MYO18B: variants seen among roughly 807,000 people sequenced by gnomAD.
The protein encoded by MYO18B is myosin XVIIIB.
MYO18B carries 204 observed loss-of-function variants against 273.0 expected under a neutral mutation model. The observed-to-expected ratio is 0.75, with a 90% CI of 0.67 to 0.84. The LOEUF (loss-of-function observed/expected upper bound fraction) is 0.84, where lower values mean the gene tolerates loss of function less well. MYO18B is among the 40% of genes least tolerant of loss of function. The pLI is 0.00. For missense variants in MYO18B, 3,212 were observed against 3,287.6 expected (o/e 0.98, Z 0.56); for synonymous variants, 1,330 against 1,305.7 (o/e 1.02, Z -0.40).
chr22:25,825,116 ATACT>A lies in MYO18B; in HGVS notation c.2696-1290_2696-1287del, dbSNP rs1043138002. Among the ~76,000 whole-genome samples, 83 of 152,298 alleles carry A rather than the reference ATACT, an allele frequency of 5.4e-4. 1 individual carries two copies. The highest frequency in any genetic ancestry group is 1.7e-3 in the African/African-American group (70 of 41,576). On this transcript the variant is annotated intron_variant, in intron 13 of 43. Coordinates refer to ENST00000335473, the MANE Select transcript of MYO18B (RefSeq NM_032608.7). ...ATGCACAGGCACAAACACCACACAC[ATACT>A]TAAGGATGGGTGCATCACACACAGG...
intron 34 of MYO18B, among the ~76,000 whole-genome samples, chr22:25,922,654 C>G (rs532836142): frequency 6.6e-6 from 1 of 152,250 alleles, no homozygotes; most frequent in East Asian, 1.9e-4. Context: ...CTGAGCTGGG[C>G]CTGGGACCCA....
In MYO18B at chr22:25,943,711, C is replaced by CT. The variant is rs59256754; in HGVS notation, c.5518-2403dup. ...ACTTTGCATCTTGTTTCTTTCTTTC[C>CT]TTTTTTTTTTTTTTTTTTTTTTTCT... is the stretch of plus-strand genomic sequence containing the variant. On this transcript the variant is annotated intron_variant, in intron 34 of 43. Transcript: ENST00000335473. Among the ~76,000 whole-genome samples, 102 of 79,566 alleles carry CT rather than the reference C, an allele frequency of 1.3e-3. 2 individuals are homozygous for CT. Among genetic ancestry groups the CT allele is most frequent in the East Asian group, 6.6e-3 (25 of 3,770 alleles). 52.2% of individuals were successfully genotyped at this position (79,566 alleles called of 152,430 possible). A position where few individuals can be genotyped will look rare whatever the true frequency, so the allele number is the denominator to read the frequency against.
chr22:26,011,194 A>G (rs1156358159), intron 42 of MYO18B, among the ~76,000 whole-genome samples: 1 of 151,742 alleles, frequency 6.6e-6, no homozygotes, highest in African/African-American at 2.4e-5. Context: ...GGGCAACAAG[A>G]TGGCGGCTAA....
At chr22:25,848,886 C>A (rs1441658156) in intron 20 of MYO18B, among the ~76,000 whole-genome samples, 2 of 152,164 alleles carry the variant, frequency 1.3e-5, no homozygotes, top group Non-Finnish European at 2.9e-5. Context: ...CACTAGTGCC[C>A]TAGTGTATGG....
chr22:25,848,167 C>T (rs543435811), intron 20 of MYO18B, among the ~76,000 whole-genome samples: 2 of 152,160 alleles, frequency 1.3e-5, no homozygotes, highest in Admixed American at 1.3e-4. Flanking sequence ...GGGTGGAATT[C>T]CTGTGATGAG....
intron 24 of MYO18B, among the ~76,000 whole-genome samples, 171 bp downstream of exon 24, chr22:25,876,503 C>G (rs1441667003): frequency 2.0e-5 from 3 of 152,164 alleles, no homozygotes; most frequent in Non-Finnish European, 2.9e-5. Context: ...ACAACACAGA[C>G]AATCCTCCAT....
At chr22:25,780,303 C>T (rs1390039113) in intron 9 of MYO18B, 105 bp downstream of exon 9, 1 of 1,359,414 alleles carries the variant, frequency 7.4e-7, no homozygotes, top group African/African-American at 1.5e-5. Flanking sequence ...TAGGATGTGT[C>T]TGAAATGGTC....
Position 25,769,289 on chromosome 22 carries a change from C to G in MYO18B, c.1373C>G (p.Ala458Gly). ...PCSRAGDGAG[A>G]LETELEGPSQ... ...TCAAGAGCAGGTGATGGGGCTGGTG[C>G]CCTGGAGACAGAGCTGGAAGGACCC... Residue 458 changes from alanine to glycine, a missense_variant, in exon 4 of 44, where the codon GCC becomes GGC. Ala to Gly is a moderately conservative substitution (Grantham distance 60). Transcript: ENST00000335473. 1 of 1,583,502 alleles carries G rather than the reference C, an allele frequency of 6.3e-7. No homozygotes were observed.
chr22:25,872,888 A>AC (rs2091086708), intron 22 of MYO18B, among the ~76,000 whole-genome samples: 1 of 152,212 alleles, frequency 6.6e-6, no homozygotes, highest in African/African-American at 2.4e-5. Flanking sequence ...GGGATTATAA[A>AC]CCACATGTGA....
intron 40 of MYO18B, among the ~76,000 whole-genome samples, chr22:25,993,771 G>C (rs1435621398): frequency 6.6e-6 from 1 of 152,112 alleles, no homozygotes; most frequent in Admixed American, 6.5e-5. Flanking sequence ...TTACAAATCA[G>C]CTCTGGTTTA....
chr22:25,983,832 A>G (rs1443711733), intron 39 of MYO18B, among the ~76,000 whole-genome samples: 1 of 152,166 alleles, frequency 6.6e-6, no homozygotes, highest in Non-Finnish European at 1.5e-5. Flanking sequence ...AGCGCTATTG[A>G]GGTCTCACTT....
At position 26,030,720 on chromosome 22, in the gene MYO18B, G is replaced by C. The variant is rs1936625919; in HGVS notation, c.*290G>C. ...GGTGCAGATAGGGGTAGGACTGTTA[G>C]AATAGAACCAACCCAAACTGTGTGT... is the stretch of plus-strand genomic sequence containing the variant. On this transcript the variant is annotated 3_prime_UTR_variant, in exon 44 of 44. Transcript: ENST00000335473. 1 of 389,038 alleles carries C rather than the reference G, an allele frequency of 2.6e-6. No individual in the cohort carries two copies. Among genetic ancestry groups the C allele is most frequent in the Non-Finnish European group, 4.5e-6 (1 of 220,384 alleles). The allele number at this position is 389,038 out of a possible 1,614,324, so 24.1% of individuals were successfully genotyped here. A position where few individuals can be genotyped will look rare whatever the true frequency, so the allele number is the denominator to read the frequency against.
Position 25,772,374 on chromosome 22 carries a change from C to G in MYO18B, c.1733C>G (p.Ser578Cys). Reference sequence around the variant, plus strand: ...CTGGACCAGGTCGAGGACCTGGCCTCTCTCATCAGTGTCAACGAATCCAGT... The same window carrying G: ...CTGGACCAGGTCGAGGACCTGGCCTGTCTCATCAGTGTCAACGAATCCAGT... ...PELDQVEDLA[S>C]LISVNESSVL... The change falls in exon 7 of 44, where the codon TCT becomes TGT. Residue 578 changes from serine (S) to cysteine (C), a missense_variant. Ser to Cys is a moderately radical substitution (Grantham distance 112). Coordinates refer to ENST00000335473, the MANE Select transcript of MYO18B (RefSeq NM_032608.7). 1 of 1,613,984 alleles carries G rather than the reference C, an allele frequency of 6.2e-7. No individual in the cohort carries two copies. The highest frequency in any genetic ancestry group is 1.1e-5 in the South Asian group (1 of 91,082).
At chr22:25,957,099 A>G (rs895847559) in intron 39 of MYO18B, among the ~76,000 whole-genome samples, 2 of 152,120 alleles carry the variant, frequency 1.3e-5, no homozygotes, top group African/African-American at 4.8e-5. Context: ...AACCAGCCCC[A>G]TTTCTCATGC....
Position 26,003,280 on chromosome 22 carries a change from G to A in MYO18B, c.6303G>A (p.Val2101=). 1 of 1,609,608 alleles carries A rather than the reference G, an allele frequency of 6.2e-7. No individual in the cohort carries two copies. Among genetic ancestry groups the A allele is most frequent in the Non-Finnish European group, 8.5e-7 (1 of 1,178,090 alleles). ...DSDTESVQTA[V]DCGSSGRKEM... The stretch of plus-strand genomic sequence containing the variant: ...CTCTTACTAGTGTCCAGACGGCAGT[G>A]GATTGTGGCAGCAGCGGCCGAAAAG... The change falls in exon 41 of 44, where the codon GTG becomes GTA. Residue 2101 remains valine, a synonymous_variant. Transcript: ENST00000335473.
intron 21 of MYO18B, among the ~76,000 whole-genome samples, chr22:25,854,967 G>T (rs974547775): frequency 6.6e-6 from 1 of 152,038 alleles, no homozygotes; most frequent in African/African-American, 2.4e-5. Flanking sequence ...TTTTAAGTTC[G>T]GGGGTACACA....
At chr22:25,779,971 G>C in intron 8 of MYO18B, 85 bp from the exon 9 acceptor site, 1 of 1,460,516 alleles carries the variant, frequency 6.8e-7, no homozygotes, top group Non-Finnish European at 9.1e-7. Context: ...CCAAGCAGGG[G>C]CCGTGGAAAA....
chr22:25,902,089 C>T (rs1466652262), intron 29 of MYO18B, among the ~76,000 whole-genome samples: 10 of 152,130 alleles, frequency 6.6e-5, no homozygotes, highest in Non-Finnish European at 1.2e-4. Context: ...CCTCCTTCCT[C>T]GGCCTCTCAA....
intron 25 of MYO18B, among the ~76,000 whole-genome samples, chr22:25,887,780 C>T (rs1569154208): frequency 2.6e-5 from 4 of 152,144 alleles, no homozygotes; most frequent in South Asian, 4.1e-4. Context: ...TGTGTCATTT[C>T]CCCCAATTTG....
Sources: gnomAD v4.1 joint callset for allele counts (sites outside exome capture counted in the v4.1 genomes callset) on GRCh38, gnomAD v4.1.1 for gene constraint, MANE v1.5 for transcripts, NCBI Gene and HGNC (gene_info 2026-07-23, HGNC 2026-07-21) for gene names.